The following PLIN4 variants were observed in gnomAD, a reference collection of about 807,000 sequenced individuals.
PLIN4 encodes the protein perilipin 4, also known as perilipin-4.
Under a neutral mutation model 52.4 loss-of-function variants are expected in PLIN4, and 57 were observed. The observed-to-expected ratio is 1.09, with a 90% CI of 0.88 to 1.36. The LOEUF (loss-of-function observed/expected upper bound fraction) is 1.36, where lower values mean the gene tolerates loss of function less well. Among genes scored for constraint, PLIN4 ranks in the 40% most tolerant of loss-of-function variants. The probability of loss-of-function intolerance (pLI) is 0.00; values close to 1 mark genes in which losing one functional copy is unlikely to be tolerated. For missense variants in PLIN4, 1,757 were observed against 1,770.3 expected (o/e 0.99, Z 0.13); for synonymous variants, 826 against 785.4 (o/e 1.05, Z -0.86).
chr19:4,513,600 C>G lies in PLIN4; in HGVS notation c.360G>C (p.Val120=). Residue 120 remains valine, a synonymous_variant, in exon 5 of 8, where the codon GTG becomes GTC. Coordinates refer to ENST00000301286, the MANE Select transcript of PLIN4 (RefSeq NM_001367868.2). ...GAGTGGTGTCCAGGCCTCCCTGGAC[C>G]ACTCCCTTAGCCACGTCCACCACGC... ...VASVVDVAKG[V]VQGGLDTTRS... is the part of the protein sequence containing the mutation. 1 of 1,606,374 alleles carries G rather than the reference C, an allele frequency of 6.2e-7. No individual in the cohort carries two copies. The highest frequency in any genetic ancestry group is 8.5e-7 in the Non-Finnish European group (1 of 1,176,890).
At position 4,517,529 on chromosome 19, in the gene PLIN4, G is replaced by A. The variant is rs373397918; in HGVS notation, c.196+25C>T. The A allele has an allele frequency of 2.4e-5, 38 of 1,591,444 alleles. No homozygotes were observed. In the Admixed American group the frequency reaches 5.1e-4, roughly 21 times the overall value. On this transcript the variant is annotated intron_variant, in intron 3 of 7. Transcript: ENST00000301286. The stretch of plus-strand genomic sequence containing the variant: ...AGGTCCATGTGTAGAGTCCCCCCAC[G>A]CCCCCAGCTGGGCCAGCCACTCACC...
rs200138834 is a variant in PLIN4 at position 4,512,812 on chromosome 19, T to C, written c.1148A>G (p.Glu383Gly). 59 of 1,552,282 alleles carry C rather than the reference T, an allele frequency of 3.8e-5. 3 individuals carry two copies. The highest frequency in any genetic ancestry group is 5.2e-5 in the Admixed American group (3 of 57,464). Residue 383 changes from glutamate (E) to glycine (G), a missense_variant, in exon 5 of 8, where the codon GAG becomes GGG. Transcript: ENST00000301286. Reference sequence around the variant, plus strand: ...GGTATCCAGGCCCCCCTGGATGGCCTCTTTGGCCAAGTTCACGGCACCGGT... The same window carrying C: ...GGTATCCAGGCCCCCCTGGATGGCCCCTTTGGCCAAGTTCACGGCACCGGT... Reference protein sequence around the residue: ...GVTGAVNLAKEAIQGGLDTTK... With the variant: ...GVTGAVNLAKGAIQGGLDTTK...
At chr19:4,506,034 A>C (rs1361974495) in intron 6 of PLIN4, among the ~76,000 whole-genome samples, 2 of 152,094 alleles carry the variant, frequency 1.3e-5, no homozygotes, top group African/African-American at 4.8e-5. Flanking sequence ...GTGACTCCTG[A>C]GGCCCGGCAG....
At position 4,512,511 on chromosome 19, in the gene PLIN4, G is replaced by A. The variant is rs767577968; in HGVS notation, c.1449C>T (p.Ala483=). 1.2e-5 allele frequency: 19 copies of A among 1,606,614 alleles called. No individual in the cohort carries two copies. The highest frequency in any genetic ancestry group is 3.3e-4 in the Middle Eastern group (2 of 6,054). Residue 483 remains alanine (A), a synonymous_variant, in exon 5 of 8, where the codon GCC becomes GCT. Coordinates refer to ENST00000301286, the MANE Select transcript of PLIN4 (RefSeq NM_001367868.2). ...VTGAANVAKG[A]VQGGLDTTKS... ...TTGTAGTGTCCAGGCCGCCCTGGAC[G>A]GCCCCTTTGGCCACATTCGCAGCAC...
chr19:4,516,866 GC>G (rs1170943303), intron 3 of PLIN4, among the ~76,000 whole-genome samples, 188 bp from the exon 4 acceptor site: 1 of 152,208 alleles, frequency 6.6e-6, no homozygotes, highest in East Asian at 1.9e-4. Flanking sequence ...CCCGCTGGGG[GC>G]TCCCCCCAAG....
rs1410811505 is a variant in PLIN4 at position 4,518,281 on chromosome 19, C to T, written c.-9G>A. On this transcript the variant is annotated 5_prime_UTR_variant, in exon 2 of 8. Coordinates refer to ENST00000301286, the MANE Select transcript of PLIN4 (RefSeq NM_001367868.2). Reference sequence around the variant, plus strand: ...TCGTCTGGAGCAGACATAGTGAGAACGTGAGAAGCTGGAAGGGGGCAGAGA... The same window carrying T: ...TCGTCTGGAGCAGACATAGTGAGAATGTGAGAAGCTGGAAGGGGGCAGAGA... The T allele has an allele frequency of 1.9e-5, 23 of 1,232,612 alleles. No homozygotes were observed. The highest frequency in any genetic ancestry group is 3.1e-4 in the Middle Eastern group (1 of 3,208). 76.4% of individuals were successfully genotyped at this position (1,232,612 alleles called of 1,614,324 possible).
In PLIN4 at chr19:4,511,796, TG is replaced by T; in HGVS notation, c.2163del (p.Thr722ProfsTer5). Reference protein sequence around the residue: ...AKGTVQTSVDTTKTVLTGTKD... With the variant: ...AKGTVQTSVDXTKTVLTGTKD... ...TTGGTACCAGTTAGGACAGTCTTGG[TG>T]GTGTCCACACTGGTCTGGACAGTCC... is the stretch of plus-strand genomic sequence containing the variant. On this transcript the variant is annotated frameshift_variant, in exon 5 of 8. Coordinates refer to ENST00000301286, the MANE Select transcript of PLIN4 (RefSeq NM_001367868.2). LOFTEE classifies it high-confidence loss of function. 6.2e-7 allele frequency: 1 copy of T among 1,603,712 alleles called. No homozygotes were observed. Among genetic ancestry groups the T allele is most frequent in the Non-Finnish European group, 8.5e-7 (1 of 1,175,884 alleles).
chr19:4,503,223 G>A lies in PLIN4; in HGVS notation c.*1236C>T, dbSNP rs1975979244. 6.6e-6 allele frequency: 1 copy of A among 152,442 alleles called. No individual in the cohort carries two copies. Among genetic ancestry groups the A allele is most frequent in the South Asian group, 2.1e-4 (1 of 4,840 alleles). 9.4% of individuals were successfully genotyped at this position (152,442 alleles called of 1,614,324 possible). ...CTGGGGTTCCTGGGCTCGTGTCCTA[G>A]GAGAGCATGGAAAGGGGACGACAAG... On this transcript the variant is annotated 3_prime_UTR_variant, in exon 8 of 8. Transcript: ENST00000301286.
Position 4,504,402 on chromosome 19 carries a change from C to A in PLIN4, c.*57G>T, listed in dbSNP as rs989917597. On this transcript the variant is annotated 3_prime_UTR_variant, in exon 8 of 8. Transcript: ENST00000301286. The stretch of plus-strand genomic sequence containing the variant: ...TGGGGGCGGGGAGAAAGTTCTGAGG[C>A]AGCTCCTCCCTGGACAGAGCAGGGC... 1.4e-5 allele frequency: 20 copies of A among 1,410,700 alleles called. No individual in the cohort carries two copies. The African/African-American group carries it at 2.7e-4, about 19-fold the overall frequency. 87.4% of individuals were successfully genotyped at this position (1,410,700 alleles called of 1,614,324 possible).
Position 4,511,492 on chromosome 19 carries a change from G to A in PLIN4, c.2468C>T (p.Thr823Ile), listed in dbSNP as rs7255298. Residue 823 changes from threonine to isoleucine, a missense_variant, in exon 5 of 8, where the codon ACC becomes ATC. By Grantham distance (89) the Thr-to-Ile change is moderately conservative. Around this residue, in one of 7 missense-constraint regions of PLIN4, gnomAD observed 76 missense variants for 109.1 expected, o/e 0.70. Transcript: ENST00000301286. ...AGTGTCCTTGGTACCGGTCAGCACGGTCTTGGCCGTGTCTACACCCATCTG... is the reference window on the plus strand; with the variant it reads ...AGTGTCCTTGGTACCGGTCAGCACGATCTTGGCCGTGTCTACACCCATCTG... ...AVQMGVDTAK[T>I]VLTGTKDTVC... 5.1e-4 allele frequency: 783 copies of A among 1,524,348 alleles called. 134 individuals are homozygous for A. In the African/African-American group the frequency reaches 0.013, roughly 25 times the overall value. The allele number at this position is 1,524,348 out of a possible 1,614,324, so 94.4% of individuals were successfully genotyped here.
Position 4,518,252 on chromosome 19 carries a change from C to G in PLIN4, c.21G>C (p.Gly7=), listed in dbSNP as rs543854585. The change falls in exon 2 of 8, where the codon GGG becomes GGC. Residue 7 remains glycine (G), a synonymous_variant. Coordinates refer to ENST00000301286, the MANE Select transcript of PLIN4 (RefSeq NM_001367868.2). ...CCTTCGGTTTGGGGGGATCCCGTCT[C>G]CCTTCGTCTGGAGCAGACATAGTGA... is the stretch of plus-strand genomic sequence containing the variant. MSAPDE[G]RRDPPKPKGK... is the part of the protein sequence containing the mutation. 3.2e-6 allele frequency: 4 copies of G among 1,232,862 alleles called. No homozygotes were observed. In the African/African-American group the frequency reaches 6.2e-5, roughly 19 times the overall value. The allele number at this position is 1,232,862 out of a possible 1,614,324, so 76.4% of individuals were successfully genotyped here.
Position 4,510,787 on chromosome 19 carries a change from C to T in PLIN4, c.3173G>A (p.Ser1058Asn), listed in dbSNP as rs763228394. Reference sequence around the variant, plus strand: ...TCCACCCCAGGAGGTGGCGGGGGTACTAGGTAACCAGTTCTGGAAGGTGCT... The same window carrying T: ...TCCACCCCAGGAGGTGGCGGGGGTATTAGGTAACCAGTTCTGGAAGGTGCT... ...GLSTFQNWLP[S>N]TPATSWGGLT... Residue 1058 changes from serine (S) to asparagine (N), a missense_variant, in exon 5 of 8, where the codon AGT (serine) becomes AAT (asparagine). By Grantham distance (46) the Ser-to-Asn change is conservative (BLOSUM62 1). This residue lies in a region of PLIN4 where 712 missense variants were observed against 637.1 expected (regional missense o/e 1.12). Coordinates refer to ENST00000301286, the MANE Select transcript of PLIN4 (RefSeq NM_001367868.2). The T allele has an allele frequency of 6.3e-7, 1 of 1,591,760 alleles. No individual in the cohort carries two copies. The highest frequency in any genetic ancestry group is 1.7e-5 in the Admixed American group (1 of 57,978).
chr19:4,508,838 A>G lies in PLIN4; in HGVS notation c.3632T>C (p.Val1211Ala). Reference protein sequence around the residue: ...SFRQRAFEHAVSHLQHGQFQA... With the variant: ...SFRQRAFEHAASHLQHGQFQA... ...GAACTGGCCGTGCTGCAGGTGGCTC[A>G]CCGCGTGTTCAAATGCCCGCTGGCG... The change falls in exon 6 of 8, where the codon GTG becomes GCG. Residue 1211 changes from valine to alanine, a missense_variant. Physicochemically the swap from Val to Ala is moderately conservative, Grantham distance 64 (BLOSUM62 0). Transcript: ENST00000301286. The G allele has an allele frequency of 6.2e-7, 1 of 1,608,828 alleles. No individual in the cohort carries two copies. The highest frequency in any genetic ancestry group is 1.7e-4 in the Middle Eastern group (1 of 6,048).
chr19:4,507,485 C>T (rs1382676539), intron 6 of PLIN4, among the ~76,000 whole-genome samples: 1 of 152,174 alleles, frequency 6.6e-6, no homozygotes, highest in African/African-American at 2.4e-5. Context: ...GAGTTTAAGA[C>T]CAGCCTGGGC....
In PLIN4 at chr19:4,516,480, CA is replaced by C. The variant is rs1249135688; in HGVS notation, c.258+136del. 1.1e-5 allele frequency: 12 copies of C among 1,056,554 alleles called. No homozygotes were observed. The Admixed American group carries it at 2.9e-4, about 26-fold the overall frequency. 65.4% of individuals were successfully genotyped at this position (1,056,554 alleles called of 1,614,324 possible). A position where few individuals can be genotyped will look rare whatever the true frequency, so the allele number is the denominator to read the frequency against. On this transcript the variant is annotated intron_variant, in intron 4 of 7. Coordinates refer to ENST00000301286, the MANE Select transcript of PLIN4 (RefSeq NM_001367868.2). ...GGCTGTCTGCCTTCCCTCAGGCCCACAGCAGCCCCCCAGATAGCAGGAACTG... is the reference window on the plus strand; with the variant it reads ...GGCTGTCTGCCTTCCCTCAGGCCCACGCAGCCCCCCAGATAGCAGGAACTG...
At chr19:4,516,711 G>C (rs200087881) in intron 3 of PLIN4, 33 bp from the exon 4 acceptor site, 3 of 1,555,424 alleles carry the variant, frequency 1.9e-6, no homozygotes, top group Non-Finnish European at 2.6e-6. Flanking sequence ...GGGAGAGTGA[G>C]GGATGCAGTT....
At position 4,502,351 on chromosome 19, in the gene PLIN4, G is replaced by C. The variant is rs549925211; in HGVS notation, c.*2108C>G. 2.1e-5 allele frequency: 8 copies of C among 378,038 alleles called. No individual in the cohort carries two copies. The highest frequency in any genetic ancestry group is 1.7e-4 in the African/African-American group (8 of 46,796). 23.4% of individuals were successfully genotyped at this position (378,038 alleles called of 1,614,324 possible). ...GTGAGAAGCGACTAAAAGGCACTCTGGGCCCAGCCCAACCCTGAAAGGCCA... is the reference window on the plus strand; with the variant it reads ...GTGAGAAGCGACTAAAAGGCACTCTCGGCCCAGCCCAACCCTGAAAGGCCA... On this transcript the variant is annotated 3_prime_UTR_variant, in exon 8 of 8. Transcript: ENST00000301286.
At chr19:4,508,436 T>C (rs1281392461) in intron 6 of PLIN4, among the ~76,000 whole-genome samples, 1 of 152,038 alleles carries the variant, frequency 6.6e-6, no homozygotes, top group African/African-American at 2.4e-5. Context: ...CCAGCCAATT[T>C]TTGTATTTTT....
intron 4 of PLIN4, among the ~76,000 whole-genome samples, chr19:4,515,891 C>T (rs1009392017): frequency 6.6e-6 from 1 of 152,224 alleles, no homozygotes; most frequent in Non-Finnish European, 1.5e-5. Context: ...AGCTTTTTAC[C>T]CTCTCCTGCT....
Sources: allele counts gnomAD v4.1 joint callset (sites outside exome capture counted in the v4.1 genomes callset), GRCh38; gene constraint gnomAD v4.1.1; regional missense constraint gnomAD v4.1.1; transcripts MANE v1.5; gene names NCBI Gene and HGNC (gene_info 2026-07-23, HGNC 2026-07-21).